Variants in GALNTL6 observed in about 807,000 individuals in gnomAD.
The protein encoded by GALNTL6 is polypeptide N-acetylgalactosaminyltransferase like 6.
Under a neutral mutation model 73.7 loss-of-function variants are expected in GALNTL6, and 46 were observed. The observed-to-expected ratio is 0.62, with a 90% CI of 0.49 to 0.80. The LOEUF (loss-of-function observed/expected upper bound fraction) is 0.80, where lower values mean the gene tolerates loss of function less well. Among genes scored for constraint, GALNTL6 ranks in the 30% least tolerant of loss-of-function variants. GALNTL6 has a pLI of 0.00. For missense variants in GALNTL6, 604 were observed against 755.0 expected (o/e 0.80, Z 2.34); for synonymous variants, 259 against 263.7 (o/e 0.98, Z 0.17).
chr4:172,072,517 C>G, intron 2 of GALNTL6, among the ~76,000 whole-genome samples: 1 of 152,152 alleles, frequency 6.6e-6, no homozygotes, highest in East Asian at 1.9e-4. Flanking sequence ...GACATCTTTA[C>G]TTGAATATCT....
At chr4:172,053,613 G>A (rs1031661286) in intron 2 of GALNTL6, among the ~76,000 whole-genome samples, 3 of 152,146 alleles carry the variant, frequency 2.0e-5, no homozygotes, top group African/African-American at 7.2e-5. Flanking sequence ...AGCGAACTTA[G>A]TGCATTATAT....
At chr4:172,136,906 A>G (rs569532645) in intron 2 of GALNTL6, among the ~76,000 whole-genome samples, 8 of 152,070 alleles carry the variant, frequency 5.3e-5, no homozygotes, top group African/African-American at 1.7e-4. Flanking sequence ...AATTAAAAGT[A>G]AATAATTAGT....
intron 2 of GALNTL6, among the ~76,000 whole-genome samples, chr4:171,886,279 T>G (rs1736605479): frequency 6.6e-6 from 1 of 152,174 alleles, no homozygotes; most frequent in Admixed American, 6.5e-5. Flanking sequence ...TACTGTTACC[T>G]GTGCTGCCAT....
At chr4:172,410,073 TA>T (rs1383710992) in intron 5 of GALNTL6, among the ~76,000 whole-genome samples, 2 of 152,014 alleles carry the variant, frequency 1.3e-5, no homozygotes, top group African/African-American at 4.8e-5. Flanking sequence ...CTTTATTCAT[TA>T]AAAACAAGAT....
chr4:172,744,164 AACTG>A (rs1009480160), intron 5 of GALNTL6, among the ~76,000 whole-genome samples: 7 of 152,096 alleles, frequency 4.6e-5, no homozygotes, highest in Non-Finnish European at 1.0e-4. Flanking sequence ...ATCCCCACTG[AACTG>A]ACTGTTAGAC....
At chr4:171,908,288 C>G (rs1436901473) in intron 2 of GALNTL6, among the ~76,000 whole-genome samples, 1 of 151,118 alleles carries the variant, frequency 6.6e-6, no homozygotes, top group African/African-American at 2.5e-5. Context: ...TGAACTCAAA[C>G]AAATTTACAA....
chr4:172,429,175 A>ATTTTATTTTATTTTATT lies in GALNTL6; in HGVS notation c.553+80488_553+80489insTTATTTTATTTTATTTT, dbSNP rs1554023237. 2.1e-3 allele frequency among the ~76,000 whole-genome samples: 28 copies of ATTTTATTTTATTTTATT among 13,332 alleles called. 1 individual carries two copies. Among genetic ancestry groups the ATTTTATTTTATTTTATT allele is most frequent in the South Asian group, 7.9e-3 (2 of 252 alleles). The allele number at this position is 13,332 out of a possible 152,430, so 8.7% of individuals were successfully genotyped here. A position where few individuals can be genotyped will look rare whatever the true frequency, so the allele number is the denominator to read the frequency against. On this transcript the variant is annotated intron_variant, in intron 5 of 12. Transcript: ENST00000506823. Reference sequence around the variant, plus strand: ...CCACCTCTTTATTTTATTTTGTTTTATTATTTTATTTTATTTTATATTATT... The same window carrying ATTTTATTTTATTTTATT: ...CCACCTCTTTATTTTATTTTGTTTTATTTTATTTTATTTTATTTTATTTTATTTTATTTTATATTATT...
At chr4:172,242,094 C>T (rs836318) in intron 3 of GALNTL6, among the ~76,000 whole-genome samples, 77,910 of 151,732 alleles carry the variant, frequency 0.51, 21,851 homozygotes, top group East Asian at 0.86. Flanking sequence ...CATTTCTCCA[C>T]GTATAATTTT....
At chr4:172,795,415 C>T (rs2110942437) in intron 5 of GALNTL6, among the ~76,000 whole-genome samples, 1 of 152,236 alleles carries the variant, frequency 6.6e-6, no homozygotes, top group Non-Finnish European at 1.5e-5. Flanking sequence ...CTGGTGACCT[C>T]AGCTCTCTTT....
chr4:172,128,472 T>C (rs561995068), intron 2 of GALNTL6, among the ~76,000 whole-genome samples: 2 of 152,304 alleles, frequency 1.3e-5, no homozygotes, highest in African/African-American at 4.8e-5. Flanking sequence ...AACTCTTCAG[T>C]TTATAACAGA....
intron 5 of GALNTL6, among the ~76,000 whole-genome samples, chr4:172,570,703 G>A (rs191000240): frequency 1.2e-3 from 182 of 152,138 alleles, no homozygotes; most frequent in African/African-American, 3.8e-3. Context: ...GATGGTTTCA[G>A]GATAATTCAA....
intron 2 of GALNTL6, among the ~76,000 whole-genome samples, chr4:171,873,730 CTTGTA>C (rs918264914): frequency 1.9e-4 from 29 of 151,936 alleles, no homozygotes; most frequent in Non-Finnish European, 2.9e-5. Flanking sequence ...TCATATATAA[CTTGTA>C]TTGTATCTGA....
chr4:172,723,874 A>G (rs902698235), intron 5 of GALNTL6, among the ~76,000 whole-genome samples: 1 of 152,172 alleles, frequency 6.6e-6, no homozygotes, highest in African/African-American at 2.4e-5. Context: ...AAAGAAATAT[A>G]TTTTTGAGCC....
At chr4:171,875,301 G>C (rs1181227585) in intron 2 of GALNTL6, among the ~76,000 whole-genome samples, 1 of 152,170 alleles carries the variant, frequency 6.6e-6, no homozygotes, top group Non-Finnish European at 1.5e-5. Context: ...GGACTGACCG[G>C]GCTGGGAGCA....
chr4:172,081,786 G>T (rs1731887475), intron 2 of GALNTL6, among the ~76,000 whole-genome samples: 1 of 152,170 alleles, frequency 6.6e-6, no homozygotes, highest in African/African-American at 2.4e-5. Flanking sequence ...ACCCTGGCAG[G>T]AGATAATGGT....
At chr4:172,574,033 C>A (rs1162088643) in intron 5 of GALNTL6, among the ~76,000 whole-genome samples, 1 of 152,118 alleles carries the variant, frequency 6.6e-6, no homozygotes, top group African/African-American at 2.4e-5. Flanking sequence ...AATTTTACAA[C>A]CCTAACCGCA....
chr4:171,901,858 A>C (rs1019950526), intron 2 of GALNTL6, among the ~76,000 whole-genome samples: 2 of 152,154 alleles, frequency 1.3e-5, no homozygotes, highest in African/African-American at 4.8e-5. Context: ...CACAAAGTTG[A>C]TAATATTCTA....
At chr4:172,453,203 G>GAA (rs374344999) in intron 5 of GALNTL6, among the ~76,000 whole-genome samples, 7 of 128,844 alleles carry the variant, frequency 5.4e-5, no homozygotes, top group Non-Finnish European at 3.4e-5. Context: ...CTCTGTCTCA[G>GAA]AAAAAAAAAA....
rs1157763307 is a variant in GALNTL6 at position 172,113,094 on chromosome 4, G to A, written c.139-116562G>A. On this transcript the variant is annotated intron_variant, in intron 2 of 12. Transcript: ENST00000506823. Reference sequence around the variant, plus strand: ...ATAGGTAGGTAAATTTCTTGTTAAGGGTCTTAGCATTTTTTAGAATGTCTT... The same window carrying A: ...ATAGGTAGGTAAATTTCTTGTTAAGAGTCTTAGCATTTTTTAGAATGTCTT... 2.0e-5 allele frequency among the ~76,000 whole-genome samples: 3 copies of A among 150,666 alleles called. No individual in the cohort carries two copies. The Admixed American group carries it at 2.0e-4, about 10-fold the overall frequency.
Sources: allele counts gnomAD v4.1 joint callset (sites outside exome capture counted in the v4.1 genomes callset), GRCh38; gene constraint gnomAD v4.1.1; transcripts MANE v1.5; gene names NCBI Gene and HGNC (gene_info 2026-07-23, HGNC 2026-07-21).